CORO7: variants seen among roughly 807,000 people sequenced by gnomAD.
CORO7 encodes coronin 7.
In CORO7, 107 loss-of-function variants were observed where a neutral mutation model predicts 126.6. That is an observed-to-expected ratio of 0.85 (90% CI 0.72 to 0.99). The LOEUF is 0.99. Among genes scored for constraint, CORO7 ranks in the 50% least tolerant of loss-of-function variants. The pLI is 0.00. For synonymous variants in CORO7, 603 were observed against 536.8 expected (o/e 1.12, Z -1.70); for missense variants, 1,314 against 1,255.8 (o/e 1.05, Z -0.70).
chr16:4,391,489 G>C (rs2055387821), intron 7 of CORO7, among the ~76,000 whole-genome samples: 1 of 152,220 alleles, frequency 6.6e-6, no homozygotes, highest in Non-Finnish European at 1.5e-5. Flanking sequence ...CTGGGAGGTG[G>C]AGCTCGCAGT....
intron 9 of CORO7, chr16:4,381,564 GC>G: frequency 1.2e-6 from 2 of 1,605,474 alleles, no homozygotes; most frequent in Non-Finnish European, 1.7e-6. Context: ...ACCAGCTGGA[GC>G]GAGTGCCACC....
chr16:4,411,271 T>C (rs989754588), intron 3 of CORO7, among the ~76,000 whole-genome samples: 32 of 152,270 alleles, frequency 2.1e-4, no homozygotes, highest in African/African-American at 5.3e-4. Flanking sequence ...CATAAACCTG[T>C]GGTCCTGACA....
chr16:4,362,634 C>G lies in CORO7; in HGVS notation c.1380G>C (p.Leu460Phe). The change falls in exon 15 of 28, where the codon TTG (leucine) becomes TTC (phenylalanine). Residue 460 changes from leucine (L) to phenylalanine (F), a missense_variant. By Grantham distance (22) the Leu-to-Phe change is conservative. Coordinates refer to ENST00000251166, the MANE Select transcript of CORO7 (RefSeq NM_024535.5). This position sits in a 1 kb window ranked among gnomAD's most constrained non-coding sequence, Gnocchi z 5.3. ...TACCCAGCAGGCTCTGCAGCGACCT[C>G]AAACTGGGGCTGGTCCCGATGCCAC... ...STSGIGTSPS[L>F]RSLQSLLGPS... is the part of the protein sequence containing the mutation. 4 of 1,561,688 alleles carry G rather than the reference C, an allele frequency of 2.6e-6. No homozygotes were observed. The highest frequency in any genetic ancestry group is 3.5e-6 in the Non-Finnish European group (4 of 1,156,348).
intron 6 of CORO7, among the ~76,000 whole-genome samples, chr16:4,402,527 G>T (rs2055848751): frequency 6.6e-6 from 1 of 152,206 alleles, no homozygotes; most frequent in South Asian, 2.1e-4. Flanking sequence ...GATGACAGGC[G>T]TGAGCCAGCG....
rs753628387 is a variant in CORO7 at position 4,382,004 on chromosome 16, C to T, written c.785+5982G>A. ...CCCACAGCCTTGTCTTCTAGCTTGGCTCCTACCTGGCTTAGCCCCACAGAG... is the reference window on the plus strand; with the variant it reads ...CCCACAGCCTTGTCTTCTAGCTTGGTTCCTACCTGGCTTAGCCCCACAGAG... On this transcript the variant is annotated intron_variant, in intron 9 of 27. Coordinates refer to ENST00000251166, the MANE Select transcript of CORO7 (RefSeq NM_024535.5). 2.5e-6 allele frequency: 4 copies of T among 1,605,754 alleles called. No homozygotes were observed. The South Asian group carries it at 4.4e-5, about 18-fold the overall frequency.
chr16:4,356,995 C>G, intron 26 of CORO7, 173 bp downstream of exon 26: 3 of 882,662 alleles, frequency 3.4e-6, no homozygotes, highest in Non-Finnish European at 5.2e-6. Context: ...ACTTCCCGGG[C>G]CCCATGGTCA....
In CORO7 at chr16:4,360,987, G is replaced by A; in HGVS notation, c.1873C>T (p.Gln625Ter). The change falls in exon 19 of 28, where the codon CAG (glutamine) becomes TAG (stop). Residue 625 changes from glutamine to a stop codon, truncating the protein, a stop_gained. Transcript: ENST00000251166. LOFTEE classifies it high-confidence loss of function. ...YDLTVRIWDL[Q>*]AGADRLKLQG... Reference sequence around the variant, plus strand: ...AGCTTCAGCCGATCAGCTCCAGCCTGAAGGTCCCAGATGCGAACAGTGAGG... The same window carrying A: ...AGCTTCAGCCGATCAGCTCCAGCCTAAAGGTCCCAGATGCGAACAGTGAGG... 2.5e-6 allele frequency: 4 copies of A among 1,612,948 alleles called. No homozygotes were observed. Among genetic ancestry groups the A allele is most frequent in the Non-Finnish European group, 3.4e-6 (4 of 1,180,022 alleles).
At chr16:4,415,064 C>T (rs888031637) in intron 1 of CORO7, among the ~76,000 whole-genome samples, 31 of 152,004 alleles carry the variant, frequency 2.0e-4, no homozygotes, top group African/African-American at 6.3e-4. Context: ...AGAGGGGTTT[C>T]GCAATGTTGC....
At chr16:4,380,554 C>A (rs2054920642) in intron 9 of CORO7, among the ~76,000 whole-genome samples, 1 of 152,206 alleles carries the variant, frequency 6.6e-6, no homozygotes, top group African/African-American at 2.4e-5. Context: ...ATCTCTGAGG[C>A]AGGGGATGGG....
rs534672855 is a variant in CORO7, at chr16:4,392,391, T to C, written c.615+2898A>G. Among the ~76,000 whole-genome samples, 299 of 152,290 alleles carry C rather than the reference T, an allele frequency of 2.0e-3. 1 individual carries two copies. The highest frequency in any genetic ancestry group is 7.0e-3 in the African/African-American group (292 of 41,568). On this transcript the variant is annotated intron_variant, in intron 7 of 27. Transcript: ENST00000251166. ...TCTGCACCTCCGAGGAAGTGGAATA[T>C]GCCAAGTGCCTGGCGCATAACAAAG...
At chr16:4,374,985 G>T (rs933468905) in intron 9 of CORO7, among the ~76,000 whole-genome samples, 1 of 152,100 alleles carries the variant, frequency 6.6e-6, no homozygotes, top group African/African-American at 2.4e-5. Context: ...GCCCAGCCCT[G>T]GTGGCATCAC....
chr16:4,367,708 C>T (rs1023218681), intron 9 of CORO7, among the ~76,000 whole-genome samples: 4 of 152,120 alleles, frequency 2.6e-5, no homozygotes, highest in African/African-American at 9.7e-5. Flanking sequence ...TGCAAAGGTC[C>T]TGTGGCAGGT....
Position 4,359,615 on chromosome 16 carries a change from A to G in CORO7, c.2115T>C (p.Ser705=). 3 of 1,596,234 alleles carry G rather than the reference A, an allele frequency of 1.9e-6. No homozygotes were observed. Among genetic ancestry groups the G allele is most frequent in the Non-Finnish European group, 2.6e-6 (3 of 1,169,008 alleles). The change falls in exon 22 of 28, where the codon AGT becomes AGC. Residue 705 remains serine, a synonymous_variant. Transcript: ENST00000251166. ...CLLVSGFDSQ[S]ERQLLLYEAE... Reference sequence around the variant, plus strand: ...CTTCATATAGGAGCAGCTGGCGCTCACTTTGGCTGCAAGGGGGTTTGGGGG... The same window carrying G: ...CTTCATATAGGAGCAGCTGGCGCTCGCTTTGGCTGCAAGGGGGTTTGGGGG...
intron 25 of CORO7, chr16:4,357,502 G>C (rs2054015597): frequency 2.2e-6 from 1 of 451,664 alleles, no homozygotes; most frequent in Non-Finnish European, 3.9e-6. Context: ...TGGGATTGCA[G>C]GCGCCCACCA....
At chr16:4,402,233 C>T (rs939496688) in intron 6 of CORO7, among the ~76,000 whole-genome samples, 3 of 146,096 alleles carry the variant, frequency 2.1e-5, no homozygotes, top group Admixed American at 1.4e-4. Flanking sequence ...CCACTGCACC[C>T]GGCCAGTTTT....
rs1277659628 is a variant in CORO7 at position 4,362,326 on chromosome 16, T to C, written c.1403-166A>G. On this transcript the variant is annotated intron_variant, in intron 15 of 27. Transcript: ENST00000251166. The surrounding 1 kb of genome is among the most constrained non-coding windows in gnomAD (Gnocchi z 5.3). ...GTGGATGCAACTCGCCCAGGAATAA[T>C]GTCTGGAATGATATACCCTGTTCCA... Among the ~76,000 whole-genome samples, 1 of 152,066 alleles carries C rather than the reference T, an allele frequency of 6.6e-6. No homozygotes were observed. Among genetic ancestry groups the C allele is most frequent in the African/African-American group, 2.4e-5 (1 of 41,402 alleles).
chr16:4,403,532 C>T (rs1319940254), intron 6 of CORO7, among the ~76,000 whole-genome samples: 1 of 152,176 alleles, frequency 6.6e-6, no homozygotes, highest in Non-Finnish European at 1.5e-5. Context: ...GTGTGCTTCT[C>T]GTCCCTGCAA....
chr16:4,382,836 G>A, intron 9 of CORO7: 3 of 1,597,946 alleles, frequency 1.9e-6, no homozygotes, highest in South Asian at 1.1e-5. Flanking sequence ...AGTGTGAGGT[G>A]CCACTCATGG....
intron 9 of CORO7, chr16:4,381,503 A>G: frequency 5.6e-6 from 9 of 1,593,178 alleles, no homozygotes; most frequent in Non-Finnish European, 7.7e-6. Context: ...CAGCTGGACG[A>G]GGGGCTCTTC....
Sources: gnomAD v4.1 joint callset for allele counts (sites outside exome capture counted in the v4.1 genomes callset) on GRCh38, gnomAD v4.1.1 for gene constraint, Gnocchi (gnomAD v3.1) non-coding constraint, MANE v1.5 for transcripts, NCBI Gene and HGNC (gene_info 2026-07-23, HGNC 2026-07-21) for gene names.